Variants in HUNK observed in about 807,000 individuals in gnomAD.
The protein encoded by HUNK is hormonally up-regulated Neu-associated kinase, also known as hormonally up-regulated neu tumor-associated kinase.
A neutral mutation model predicts 61.0 loss-of-function variants in HUNK; 21 were observed. The ratio of observed to expected loss-of-function variants is 0.34; its 90% CI spans 0.24 to 0.50. The LOEUF (loss-of-function observed/expected upper bound fraction) is 0.50, where lower values mean the gene tolerates loss of function less well. Ranked by LOEUF, HUNK falls within the 20% of genes least tolerant of loss-of-function variation. The probability of loss-of-function intolerance (pLI) is 0.98; values close to 1 mark genes in which losing one functional copy is unlikely to be tolerated. For missense variants in HUNK, 772 were observed against 945.7 expected, an observed-to-expected ratio of 0.82 and a Z score of 2.41; for synonymous variants, 371 against 386.1, an observed-to-expected ratio of 0.96 and a Z score of 0.46.
chr21:31,893,133 G>A (rs1258426497), intron 1 of HUNK, among the ~76,000 whole-genome samples: 1 of 151,996 alleles, frequency 6.6e-6, no homozygotes, highest in Non-Finnish European at 1.5e-5. Context: ...ATGCATGGGA[G>A]TCCCACAGAA....
At chr21:31,881,351 G>C (rs571964866) in intron 1 of HUNK, among the ~76,000 whole-genome samples, 1 of 152,246 alleles carries the variant, frequency 6.6e-6, no homozygotes, top group South Asian at 2.1e-4. Flanking sequence ...GTATGGCCAG[G>C]CGTGGTGGCT....
At chr21:31,913,106 C>T (rs1175798650) in intron 1 of HUNK, among the ~76,000 whole-genome samples, 2 of 152,128 alleles carry the variant, frequency 1.3e-5, no homozygotes, top group African/African-American at 2.4e-5. Context: ...TCCTAGGGTG[C>T]TGGGAGGTCA....
At chr21:31,975,292 G>T (rs896479001) in intron 7 of HUNK, among the ~76,000 whole-genome samples, 1 of 152,170 alleles carries the variant, frequency 6.6e-6, no homozygotes, top group African/African-American at 2.4e-5. Context: ...GGGGTGGATG[G>T]TGGGACCCTG....
chr21:31,969,194 T>G (rs1421937640), intron 6 of HUNK, among the ~76,000 whole-genome samples: 1 of 152,054 alleles, frequency 6.6e-6, no homozygotes, highest in Non-Finnish European at 1.5e-5. Flanking sequence ...GTGTTGTGAG[T>G]GTGTTTGCGT....
At chr21:31,917,837 G>A (rs2052596365) in intron 1 of HUNK, among the ~76,000 whole-genome samples, 1 of 151,622 alleles carries the variant, frequency 6.6e-6, no homozygotes, top group African/African-American at 2.4e-5. Flanking sequence ...CTGCAGCGTT[G>A]GTAAGAGCCA....
chr21:31,909,431 C>T (rs966002306), intron 1 of HUNK, among the ~76,000 whole-genome samples: 8 of 152,148 alleles, frequency 5.3e-5, no homozygotes, highest in African/African-American at 1.9e-4. Flanking sequence ...CCCAGCCCTG[C>T]GTTGGGAGCT....
intron 8 of HUNK, 143 bp downstream of exon 8, chr21:31,983,752 A>G: frequency 1.6e-6 from 1 of 629,092 alleles, no homozygotes; most frequent in Non-Finnish European, 2.8e-6. Context: ...CCCTTGAGAA[A>G]TGGTTTACAG....
intron 1 of HUNK, among the ~76,000 whole-genome samples, chr21:31,885,662 G>C (rs540157738): frequency 6.6e-6 from 1 of 152,294 alleles, no homozygotes; most frequent in African/African-American, 2.4e-5. Flanking sequence ...ATCCATGGCT[G>C]TCTTCTTCCT....
Position 32,000,261 on chromosome 21 carries a change from A to G in HUNK, c.*1077A>G. On this transcript the variant is annotated 3_prime_UTR_variant, in exon 11 of 11. Coordinates refer to ENST00000270112, the MANE Select transcript of HUNK (RefSeq NM_014586.2). ...AACTGGTGCGGCTCAGAGCTCGGCGAGTTTGCTGGGAGCTGGGAGCAGGCT... is the reference window on the plus strand; with the variant it reads ...AACTGGTGCGGCTCAGAGCTCGGCGGGTTTGCTGGGAGCTGGGAGCAGGCT... The G allele has an allele frequency of 1.0e-5, 4 of 399,110 alleles. No homozygotes were observed. The highest frequency in any genetic ancestry group is 1.8e-5 in the Non-Finnish European group (4 of 226,104). 24.7% of individuals were successfully genotyped at this position (399,110 alleles called of 1,614,324 possible).
Position 31,988,835 on chromosome 21 carries a change from C to T in HUNK, c.1258-1294C>T, listed in dbSNP as rs572019123. On this transcript the variant is annotated intron_variant, in intron 8 of 10. Coordinates refer to ENST00000270112, the MANE Select transcript of HUNK (RefSeq NM_014586.2). Reference sequence around the variant, plus strand: ...CCTCGCTTCCTCCTCCTCTCCCCTCCCCTCCCCTCCTTCCTTTTTCTTTCT... The same window carrying T: ...CCTCGCTTCCTCCTCCTCTCCCCTCTCCTCCCCTCCTTCCTTTTTCTTTCT... Among the ~76,000 whole-genome samples, 25 of 150,522 alleles carry T rather than the reference C, an allele frequency of 1.7e-4. No homozygotes were observed. In the South Asian group the frequency reaches 4.8e-3, roughly 29 times the overall value.
chr21:31,884,449 AG>A (rs2052331229), intron 1 of HUNK, among the ~76,000 whole-genome samples: 2 of 151,970 alleles, frequency 1.3e-5, no homozygotes, highest in South Asian at 4.2e-4. Flanking sequence ...AAAATTAGCC[AG>A]GCGTGGTGGT....
chr21:31,918,234 CA>C (rs1365038343), intron 1 of HUNK, among the ~76,000 whole-genome samples: 2 of 152,034 alleles, frequency 1.3e-5, no homozygotes, highest in Non-Finnish European at 2.9e-5. Flanking sequence ...GCTTGTAAGT[CA>C]GGGGGTGGAT....
Position 31,999,334 on chromosome 21 carries a change from C to T in HUNK, c.*150C>T, listed in dbSNP as rs1299832031. On this transcript the variant is annotated 3_prime_UTR_variant, in exon 11 of 11. Coordinates refer to ENST00000270112, the MANE Select transcript of HUNK (RefSeq NM_014586.2). ...TCCACAGACCCAAAGCCTGCACAACCCAACCTCGCTTAGGGACCCCCAGAG... is the reference window on the plus strand; with the variant it reads ...TCCACAGACCCAAAGCCTGCACAACTCAACCTCGCTTAGGGACCCCCAGAG... The T allele has an allele frequency of 2.8e-6, 2 of 717,710 alleles. No homozygotes were observed. The highest frequency in any genetic ancestry group is 4.5e-6 in the Non-Finnish European group (2 of 443,832). 44.5% of individuals were successfully genotyped at this position (717,710 alleles called of 1,614,324 possible). A position where few individuals can be genotyped will look rare whatever the true frequency, so the allele number is the denominator to read the frequency against.
At chr21:31,887,921 GT>G (rs1432711136) in intron 1 of HUNK, among the ~76,000 whole-genome samples, 1 of 152,068 alleles carries the variant, frequency 6.6e-6, no homozygotes, top group East Asian at 1.9e-4. Flanking sequence ...TGGGTACATG[GT>G]TTTTGCTTTG....
chr21:31,913,710 G>A (rs1203909252), intron 1 of HUNK, among the ~76,000 whole-genome samples: 4 of 151,966 alleles, frequency 2.6e-5, no homozygotes, highest in African/African-American at 7.2e-5. Flanking sequence ...AGTCATGAGC[G>A]TGCTGGAAGT....
At chr21:31,914,697 G>A (rs138585491) in intron 1 of HUNK, among the ~76,000 whole-genome samples, 5 of 152,242 alleles carry the variant, frequency 3.3e-5, no homozygotes, top group African/African-American at 7.2e-5. Flanking sequence ...CTAGATGACT[G>A]CCTTCTCTCT....
chr21:31,991,052 A>G (rs1394041169), intron 9 of HUNK, among the ~76,000 whole-genome samples: 2 of 152,224 alleles, frequency 1.3e-5, no homozygotes, highest in Non-Finnish European at 2.9e-5. Context: ...TGAGTTTATC[A>G]GAATCCCTTT....
intron 1 of HUNK, among the ~76,000 whole-genome samples, chr21:31,878,201 G>C (rs994101917): frequency 6.9e-6 from 1 of 145,034 alleles, no homozygotes; most frequent in Non-Finnish European, 1.5e-5. Flanking sequence ...GGAGGTTGCA[G>C]TGAGCCTAGA....
At chr21:31,971,270 C>T (rs978584217) in intron 6 of HUNK, among the ~76,000 whole-genome samples, 2 of 151,862 alleles carry the variant, frequency 1.3e-5, no homozygotes, top group African/African-American at 4.8e-5. Context: ...TGAGGTTTCA[C>T]CATGTTGCCC....
Sources: gnomAD v4.1 joint callset for allele counts (sites outside exome capture counted in the v4.1 genomes callset) on GRCh38, gnomAD v4.1.1 for gene constraint, MANE v1.5 for transcripts, NCBI Gene and HGNC (gene_info 2026-07-23, HGNC 2026-07-21) for gene names.